The following SIPA1L1 variants were observed in gnomAD, a reference collection of about 807,000 sequenced individuals.
The protein encoded by SIPA1L1 is signal-induced proliferation-associated 1-like protein 1.
Under a neutral mutation model 162.7 loss-of-function variants are expected in SIPA1L1, and 26 were observed. That is an observed-to-expected ratio of 0.16 (90% CI 0.12 to 0.22). SIPA1L1 has a LOEUF of 0.22. Among genes scored for constraint, SIPA1L1 ranks in the 10% least tolerant of loss-of-function variants. The pLI is 1.00. For missense variants in SIPA1L1, 1,874 were observed against 2,241.0 expected, an observed-to-expected ratio of 0.84 and a Z score of 3.31; for synonymous variants, 829 against 837.4, an observed-to-expected ratio of 0.99 and a Z score of 0.17.
intron 2 of SIPA1L1, among the ~76,000 whole-genome samples, chr14:71,469,412 C>T (rs867459222): frequency 3.3e-5 from 5 of 152,114 alleles, no homozygotes; most frequent in South Asian, 2.1e-4. Context: ...ATGTGTTTGT[C>T]CTGTCATCCC....
At position 71,730,057 on chromosome 14, in the gene SIPA1L1, C is replaced by G. The variant is rs2084621393; in HGVS notation, c.4617C>G (p.Phe1539Leu). The change falls in exon 20 of 24, where the codon TTC becomes TTG. Residue 1539 changes from phenylalanine (F) to leucine (L), a missense_variant and splice_region_variant. Coordinates refer to ENST00000381232, the MANE Select transcript of SIPA1L1 (RefSeq NM_001386936.1). ...PTPESQKSFK[F>L]HALSSPQSPF... Reference sequence around the variant, plus strand: ...TTTGTCTTGATCCTGTTTTTCAGTTCCACGCACTCTCCTCTCCTCAGTCTC... The same window carrying G: ...TTTGTCTTGATCCTGTTTTTCAGTTGCACGCACTCTCCTCTCCTCAGTCTC... The G allele has an allele frequency of 1.2e-6, 2 of 1,612,892 alleles. No individual in the cohort carries two copies. The highest frequency in any genetic ancestry group is 1.7e-6 in the Non-Finnish European group (2 of 1,179,416).
chr14:71,709,944 G>A (rs2082740457), intron 17 of SIPA1L1, among the ~76,000 whole-genome samples: 2 of 152,196 alleles, frequency 1.3e-5, no homozygotes, highest in South Asian at 4.1e-4. Context: ...AATTTGAGAG[G>A]AAATTTGTAA....
In SIPA1L1 at chr14:71,589,030, G is replaced by T; in HGVS notation, c.1158G>T (p.Met386Ile). The change falls in exon 5 of 24, where the codon ATG becomes ATT. Residue 386 changes from methionine (M) to isoleucine (I), a missense_variant. Transcript: ENST00000381232. ...ATTCAGCCAGTTTTAGCTCCCCAAT[G>T]GGCAGCACAGAGGACCTGAATTCCA... ...LSHSASFSSP[M>I]GSTEDLNSKG... is the part of the protein sequence containing the mutation. 1 of 1,614,092 alleles carries T rather than the reference G, an allele frequency of 6.2e-7. No individual in the cohort carries two copies. The highest frequency in any genetic ancestry group is 1.1e-5 in the South Asian group (1 of 91,078).
At chr14:71,460,540 C>G (rs2046519890) in intron 2 of SIPA1L1, among the ~76,000 whole-genome samples, 1 of 152,168 alleles carries the variant, frequency 6.6e-6, no homozygotes, top group African/African-American at 2.4e-5. Flanking sequence ...TTAGTCTTGA[C>G]TTAAAGGTAG....
At chr14:71,611,951 G>A (rs1482246236) in intron 5 of SIPA1L1, among the ~76,000 whole-genome samples, 2 of 152,018 alleles carry the variant, frequency 1.3e-5, no homozygotes, top group Non-Finnish European at 2.9e-5. Flanking sequence ...ACTGATGGTG[G>A]CACACATGTA....
intron 16 of SIPA1L1, among the ~76,000 whole-genome samples, chr14:71,707,467 C>T (rs2082535978): frequency 6.6e-6 from 1 of 152,172 alleles, no homozygotes; most frequent in Non-Finnish European, 1.5e-5. Flanking sequence ...CCACCGACTG[C>T]TTGTCATCCC....
intron 12 of SIPA1L1, among the ~76,000 whole-genome samples, chr14:71,675,000 A>G (rs931985614): frequency 3.3e-5 from 5 of 152,182 alleles, no homozygotes; most frequent in Non-Finnish European, 1.5e-5. Flanking sequence ...CTTTCCTTAT[A>G]CACTAGAATC....
At chr14:71,446,387 T>C (rs2045344579) in intron 2 of SIPA1L1, among the ~76,000 whole-genome samples, 1 of 152,204 alleles carries the variant, frequency 6.6e-6, no homozygotes, top group Non-Finnish European at 1.5e-5. Context: ...GCATACCTTT[T>C]GAATTTTTTA....
At chr14:71,587,436 A>G (rs573341389) in intron 4 of SIPA1L1, 135 bp from the exon 5 acceptor site, 69 of 395,354 alleles carry the variant, frequency 1.7e-4, no homozygotes, top group African/African-American at 1.3e-3. Flanking sequence ...CTGCTTTACT[A>G]AAAATACGGA....
chr14:71,423,727 T>G (rs1401382632), intron 2 of SIPA1L1, among the ~76,000 whole-genome samples: 2 of 152,182 alleles, frequency 1.3e-5, no homozygotes, highest in African/African-American at 4.8e-5. Flanking sequence ...TGTAGTAAGT[T>G]TTGAAATCAG....
chr14:71,554,770 T>G (rs2056198160), intron 4 of SIPA1L1, among the ~76,000 whole-genome samples: 1 of 152,198 alleles, frequency 6.6e-6, no homozygotes, highest in Admixed American at 6.5e-5. Flanking sequence ...AAACATAGTT[T>G]GGGAGCATTT....
chr14:71,370,687 G>C (rs376821469), intron 2 of SIPA1L1, among the ~76,000 whole-genome samples: 1 of 152,130 alleles, frequency 6.6e-6, no homozygotes, highest in Non-Finnish European at 1.5e-5. Flanking sequence ...AAGTTGAAGC[G>C]TTTAGAAATG....
In SIPA1L1 at chr14:71,672,544, A is replaced by G. The variant is rs1349387028; in HGVS notation, c.3026A>G (p.Gln1009Arg). Reference protein sequence around the residue: ...KVAVATLSHEQMIDLLRTSVT... With the variant: ...KVAVATLSHERMIDLLRTSVT... ...GCGGTAGCCACTCTGAGCCATGAGCAGATGATCGACCTCCTGAGAACATCT... is the reference window on the plus strand; with the variant it reads ...GCGGTAGCCACTCTGAGCCATGAGCGGATGATCGACCTCCTGAGAACATCT... Residue 1009 changes from glutamine (Q) to arginine (R), a missense_variant, in exon 12 of 24, where the codon CAG becomes CGG. Around this residue, in one of 5 missense-constraint regions of SIPA1L1, gnomAD observed 936 missense variants for 1,051.9 expected, o/e 0.89. Transcript: ENST00000381232. 4.3e-6 allele frequency: 7 copies of G among 1,614,196 alleles called. No individual in the cohort carries two copies. Among genetic ancestry groups the G allele is most frequent in the Non-Finnish European group, 5.9e-6 (7 of 1,180,028 alleles).
intron 14 of SIPA1L1, among the ~76,000 whole-genome samples, chr14:71,700,944 G>A (rs1344481846): frequency 8.7e-5 from 11 of 125,812 alleles, no homozygotes; most frequent in East Asian, 2.8e-4. Context: ...CAGTGAGCCC[G>A]AGATTGCGCC....
chr14:71,696,763 C>G (rs1038846378), intron 13 of SIPA1L1, among the ~76,000 whole-genome samples: 18 of 152,196 alleles, frequency 1.2e-4, no homozygotes, highest in African/African-American at 4.3e-4. Flanking sequence ...TTAAGGGAGA[C>G]ACACATAAAA....
At position 71,672,281 on chromosome 14, in the gene SIPA1L1, C is replaced by T. The variant is rs572858547; in HGVS notation, c.2830-67C>T. The T allele has an allele frequency of 4.0e-6, 6 of 1,514,574 alleles. No individual in the cohort carries two copies. In the African/African-American group the frequency reaches 6.8e-5, roughly 17 times the overall value. 93.8% of individuals were successfully genotyped at this position (1,514,574 alleles called of 1,614,324 possible). ...ACTAACCCTGCTTGCAATGATTTTC[C>T]AGTTCCATGTCCACCACTTAATACC... On this transcript the variant is annotated intron_variant, in intron 11 of 23. Transcript: ENST00000381232.
Position 71,588,783 on chromosome 14 carries a change from G to C in SIPA1L1, c.911G>C (p.Gly304Ala), listed in dbSNP as rs1031905566. The C allele has an allele frequency of 6.2e-7, 1 of 1,614,084 alleles. No individual in the cohort carries two copies. Among genetic ancestry groups the C allele is most frequent in the East Asian group, 2.2e-5 (1 of 44,866 alleles). ...SIFRKLRNAK[G>A]EELGKSSDLE... ...TTTCGTAAATTGCGCAATGCCAAAG[G>C]TGAAGAACTTGGGAAGTCATCAGAT... The change falls in exon 5 of 24, where the codon GGT (glycine) becomes GCT (alanine). Residue 304 changes from glycine to alanine, a missense_variant. Gly to Ala is a moderately conservative substitution (Grantham distance 60). Transcript: ENST00000381232. The surrounding 1 kb of genome is among the most constrained non-coding windows in gnomAD (Gnocchi z 4.3).
intron 13 of SIPA1L1, among the ~76,000 whole-genome samples, chr14:71,695,876 C>T (rs1014612876): frequency 2.0e-5 from 3 of 152,326 alleles, no homozygotes; most frequent in Admixed American, 6.5e-5. Flanking sequence ...TTTGGATTCA[C>T]GTCATTCCTT....
chr14:71,507,704 T>C (rs1034051079), intron 2 of SIPA1L1, among the ~76,000 whole-genome samples: 1 of 152,242 alleles, frequency 6.6e-6, no homozygotes, highest in African/African-American at 2.4e-5. Context: ...GGTTATTTCC[T>C]AAAGTTCCTT....
Sources: allele counts gnomAD v4.1 joint callset (sites outside exome capture counted in the v4.1 genomes callset), GRCh38; gene constraint gnomAD v4.1.1; regional missense constraint gnomAD v4.1.1; non-coding constraint Gnocchi (gnomAD v3.1); transcripts MANE v1.5; gene names NCBI Gene and HGNC (gene_info 2026-07-23, HGNC 2026-07-21).